The following GALNTL6 variants were observed in gnomAD, a reference collection of about 807,000 sequenced individuals.
GALNTL6 encodes the protein polypeptide N-acetylgalactosaminyltransferase like 6, also known as polypeptide N-acetylgalactosaminyltransferase-like 6.
GALNTL6 carries 46 observed loss-of-function variants against 73.7 expected under a neutral mutation model. The observed-to-expected ratio is 0.62, with a 90% CI of 0.49 to 0.80. The LOEUF is 0.80. Among genes scored for constraint, GALNTL6 ranks in the 30% least tolerant of loss-of-function variants. The pLI is 0.00. For missense variants in GALNTL6, 604 were observed against 755.0 expected, an observed-to-expected ratio of 0.80 and a Z score of 2.34; for synonymous variants, 259 against 263.7, an observed-to-expected ratio of 0.98 and a Z score of 0.17.
chr4:172,344,708 G>A (rs1040677715), intron 4 of GALNTL6, among the ~76,000 whole-genome samples: 3 of 152,042 alleles, frequency 2.0e-5, no homozygotes, highest in Admixed American at 2.0e-4. Flanking sequence ...TGATAAAGAC[G>A]TCCTTAATTC....
At chr4:172,358,131 T>C (rs2111233356) in intron 5 of GALNTL6, among the ~76,000 whole-genome samples, 1 of 152,298 alleles carries the variant, frequency 6.6e-6, no homozygotes, top group Non-Finnish European at 1.5e-5. Flanking sequence ...TAAGTAGAAA[T>C]ATAGTGAGTG....
intron 2 of GALNTL6, among the ~76,000 whole-genome samples, chr4:171,898,658 A>G (rs1410187264): frequency 6.6e-6 from 1 of 152,134 alleles, no homozygotes; most frequent in East Asian, 1.9e-4. Flanking sequence ...AATTATAGGT[A>G]CAGAAACAAA....
At chr4:172,301,080 T>G (rs186892457) in intron 3 of GALNTL6, among the ~76,000 whole-genome samples, 19 of 152,148 alleles carry the variant, frequency 1.2e-4, no homozygotes, top group Middle Eastern at 3.4e-3. Flanking sequence ...TTATTCTTTT[T>G]TCTCTAAACT....
intron 5 of GALNTL6, among the ~76,000 whole-genome samples, chr4:172,419,179 G>T (rs1730957957): frequency 6.6e-6 from 1 of 152,060 alleles, no homozygotes; most frequent in African/African-American, 2.4e-5. Flanking sequence ...TGAATATCGA[G>T]AATTTTTTCA....
At chr4:172,205,087 G>C (rs2110910526) in intron 2 of GALNTL6, among the ~76,000 whole-genome samples, 1 of 152,224 alleles carries the variant, frequency 6.6e-6, no homozygotes, top group South Asian at 2.1e-4. Flanking sequence ...AGAACCCCTA[G>C]ATACACTACA....
At chr4:172,055,049 A>G (rs116763579) in intron 2 of GALNTL6, among the ~76,000 whole-genome samples, 2,341 of 152,254 alleles carry the variant, frequency 0.015, 55 homozygotes, top group African/African-American at 0.053. Context: ...AACTAAATGC[A>G]TGGAGACACA....
At chr4:172,932,051 A>G (rs1056227346) in intron 9 of GALNTL6, among the ~76,000 whole-genome samples, 1 of 152,196 alleles carries the variant, frequency 6.6e-6, no homozygotes, top group African/African-American at 2.4e-5. Context: ...ATTTTATCAC[A>G]CTGCTACCCT....
chr4:171,823,602 T>C (rs1195348074), intron 2 of GALNTL6, among the ~76,000 whole-genome samples: 1 of 151,192 alleles, frequency 6.6e-6, no homozygotes, highest in Admixed American at 6.6e-5. Flanking sequence ...TATATATATA[T>C]ATTATAGATG....
intron 2 of GALNTL6, among the ~76,000 whole-genome samples, chr4:171,987,968 A>G (rs540502665): frequency 1.6e-4 from 24 of 152,336 alleles, no homozygotes; most frequent in Admixed American, 1.5e-3. Context: ...AAGAGTGAGT[A>G]CAGCTGAAGG....
At chr4:172,130,129 G>A (rs767661582) in intron 2 of GALNTL6, among the ~76,000 whole-genome samples, 12 of 151,530 alleles carry the variant, frequency 7.9e-5, no homozygotes, top group Non-Finnish European at 1.3e-4. Flanking sequence ...CAATAGCAAG[G>A]TGGGTGCCAG....
At chr4:172,824,112 C>T (rs1017584633) in intron 7 of GALNTL6, among the ~76,000 whole-genome samples, 2 of 152,132 alleles carry the variant, frequency 1.3e-5, no homozygotes, top group Admixed American at 1.3e-4. Context: ...GAGGGCATAA[C>T]AAGCCTGAAC....
intron 2 of GALNTL6, among the ~76,000 whole-genome samples, chr4:172,084,064 G>A (rs1731958755): frequency 6.6e-6 from 1 of 152,170 alleles, no homozygotes; most frequent in Non-Finnish European, 1.5e-5. Flanking sequence ...GATGTCATAG[G>A]AAACAAGAGG....
intron 5 of GALNTL6, among the ~76,000 whole-genome samples, chr4:172,680,742 G>A (rs1732590035): frequency 1.3e-5 from 2 of 152,122 alleles, no homozygotes; most frequent in Admixed American, 1.3e-4. Flanking sequence ...AGCCCTCTTT[G>A]ATTATTTAAA....
chr4:172,322,710 G>A (rs2111166607), intron 4 of GALNTL6, among the ~76,000 whole-genome samples: 1 of 152,132 alleles, frequency 6.6e-6, no homozygotes, highest in Non-Finnish European at 1.5e-5. Flanking sequence ...GCACTAGGAG[G>A]ATGGTGCTAA....
At chr4:172,620,928 CCT>C (rs898943703) in intron 5 of GALNTL6, among the ~76,000 whole-genome samples, 21 of 152,240 alleles carry the variant, frequency 1.4e-4, no homozygotes, top group Non-Finnish European at 1.5e-4. Context: ...TAACGCATTC[CCT>C]CTGTTTAGCC....
At chr4:171,952,782 T>C (rs1473826513) in intron 2 of GALNTL6, among the ~76,000 whole-genome samples, 1 of 152,130 alleles carries the variant, frequency 6.6e-6, no homozygotes, top group Non-Finnish European at 1.5e-5. Flanking sequence ...GTAATCATGA[T>C]ATGCACTATA....
intron 5 of GALNTL6, among the ~76,000 whole-genome samples, chr4:172,612,677 T>C (rs954226648): frequency 2.0e-5 from 3 of 152,016 alleles, no homozygotes; most frequent in Non-Finnish European, 2.9e-5. Flanking sequence ...ACAGGAGACA[T>C]GTAATGTAAA....
intron 8 of GALNTL6, among the ~76,000 whole-genome samples, chr4:172,891,086 G>A (rs1372874028): frequency 1.3e-5 from 2 of 149,762 alleles, no homozygotes; most frequent in Non-Finnish European, 1.5e-5. Context: ...CATTACATGG[G>A]AGATTGGTCT....
intron 5 of GALNTL6, among the ~76,000 whole-genome samples, chr4:172,401,980 G>GAT (rs1744059372): frequency 7.2e-6 from 1 of 139,184 alleles, no homozygotes; most frequent in Non-Finnish European, 1.6e-5. Flanking sequence ...GAGAGAGAGA[G>GAT]ATCTTTATTA....
Sources: gnomAD v4.1 joint callset for allele counts (sites outside exome capture counted in the v4.1 genomes callset) on GRCh38, gnomAD v4.1.1 for gene constraint, MANE v1.5 for transcripts, NCBI Gene and HGNC (gene_info 2026-07-23, HGNC 2026-07-21) for gene names.